The following SGCZ variants were observed in gnomAD, a reference collection of about 807,000 sequenced individuals.
SGCZ encodes zeta-sarcoglycan.
Under a neutral mutation model 41.3 loss-of-function variants are expected in SGCZ, and 40 were observed. That is an observed-to-expected ratio of 0.97 (90% CI 0.75 to 1.26). SGCZ has a LOEUF of 1.26. SGCZ is among the 50% of genes most tolerant of loss of function. The pLI is 0.00. For synonymous variants in SGCZ, 206 were observed against 137.5 expected, an observed-to-expected ratio of 1.50 and a Z score of -3.49; for missense variants, 552 against 369.8, an observed-to-expected ratio of 1.49 and a Z score of -4.04.
At chr8:14,834,662 T>A (rs1802638465) in intron 1 of SGCZ, among the ~76,000 whole-genome samples, 1 of 152,324 alleles carries the variant, frequency 6.6e-6, no homozygotes, top group East Asian at 1.9e-4. Flanking sequence ...AGTGTATCAT[T>A]TCTGCTCAAA....
intron 3 of SGCZ, among the ~76,000 whole-genome samples, chr8:14,294,104 C>G (rs570076104): frequency 6.6e-6 from 1 of 151,566 alleles, no homozygotes; most frequent in African/African-American, 2.4e-5. Flanking sequence ...ATTACAACCA[C>G]CAGACATTAC....
rs190247306 is a variant in SGCZ at position 14,849,473 on chromosome 8, C to G, written c.40-294547G>C. Among the ~76,000 whole-genome samples, 157 of 152,076 alleles carry G rather than the reference C, an allele frequency of 1.0e-3. 2 individuals are homozygous for G. In the East Asian group the frequency reaches 0.021, roughly 20 times the overall value. On this transcript the variant is annotated intron_variant, in intron 1 of 7. Transcript: ENST00000382080. Reference sequence around the variant, plus strand: ...GAATGGAATACTACTCATCAATAAACAGAATCAGAATAAACTATTGATATA... The same window carrying G: ...GAATGGAATACTACTCATCAATAAAGAGAATCAGAATAAACTATTGATATA...
chr8:14,407,065 C>CT (rs67046431), intron 2 of SGCZ, among the ~76,000 whole-genome samples: 2,238 of 87,110 alleles, frequency 0.026, 92 homozygotes, highest in African/African-American at 0.07. Context: ...ATGAGTTTTC[C>CT]TTTTTTTTTT....
intron 3 of SGCZ, among the ~76,000 whole-genome samples, chr8:14,268,420 T>C (rs184440614): frequency 2.5e-4 from 38 of 151,458 alleles, no homozygotes; most frequent in African/African-American, 8.9e-4. Flanking sequence ...CCTCTGACTT[T>C]CCAATTTCAA....
intron 1 of SGCZ, among the ~76,000 whole-genome samples, chr8:14,865,847 G>A (rs1009007008): frequency 2.6e-5 from 4 of 152,030 alleles, no homozygotes; most frequent in African/African-American, 7.2e-5. Flanking sequence ...CTCTGGCAAA[G>A]CAAATAATCA....
intron 6 of SGCZ, among the ~76,000 whole-genome samples, chr8:14,105,785 T>C (rs958781205): frequency 5.3e-5 from 8 of 152,106 alleles, no homozygotes; most frequent in Non-Finnish European, 1.0e-4. Context: ...CACTTATGAA[T>C]TGTGAAATAT....
intron 1 of SGCZ, among the ~76,000 whole-genome samples, chr8:15,062,233 CAAT>C (rs1804965110): frequency 6.6e-6 from 1 of 151,920 alleles, no homozygotes; most frequent in Admixed American, 6.6e-5. Context: ...CTTCTTACAG[CAAT>C]AATAAAAAAT....
intron 3 of SGCZ, among the ~76,000 whole-genome samples, chr8:14,258,156 A>G (rs1799530772): frequency 6.6e-6 from 1 of 152,206 alleles, no homozygotes; most frequent in African/African-American, 2.4e-5. Flanking sequence ...ATATGCTAAA[A>G]GAGAATATAG....
intron 1 of SGCZ, among the ~76,000 whole-genome samples, chr8:14,567,901 G>C (rs1259838963): frequency 6.6e-6 from 1 of 152,150 alleles, no homozygotes; most frequent in Non-Finnish European, 1.5e-5. Flanking sequence ...AAGAAACTCC[G>C]AACACATCCA....
chr8:14,873,828 TA>T (rs1189119871), intron 1 of SGCZ, among the ~76,000 whole-genome samples: 1 of 152,170 alleles, frequency 6.6e-6, no homozygotes, highest in African/African-American at 2.4e-5. Context: ...TAGGAACCTT[TA>T]AAAATGGAAA....
chr8:14,687,257 A>C (rs1469944538), intron 1 of SGCZ, among the ~76,000 whole-genome samples: 1 of 151,064 alleles, frequency 6.6e-6, no homozygotes, highest in Non-Finnish European at 1.5e-5. Context: ...CGTTAGTTAC[A>C]TATGTATACT....
At chr8:14,687,020 C>T (rs1299155347) in intron 1 of SGCZ, among the ~76,000 whole-genome samples, 1 of 151,186 alleles carries the variant, frequency 6.6e-6, no homozygotes, top group East Asian at 1.9e-4. Flanking sequence ...CCAAGCCAAG[C>T]CAAATAAACA....
chr8:14,808,338 A>C (rs1017614965), intron 1 of SGCZ, among the ~76,000 whole-genome samples: 2 of 152,198 alleles, frequency 1.3e-5, no homozygotes, highest in Admixed American at 6.5e-5. Flanking sequence ...CTCATCTGAC[A>C]AAGGGCTAAT....
intron 1 of SGCZ, among the ~76,000 whole-genome samples, chr8:14,601,981 C>T (rs1044611907): frequency 2.0e-5 from 3 of 151,842 alleles, no homozygotes; most frequent in Non-Finnish European, 2.9e-5. Context: ...TTAGCCGGGC[C>T]TGGTGGCGGG....
At chr8:14,931,084 C>G (rs1799911828) in intron 1 of SGCZ, among the ~76,000 whole-genome samples, 3 of 151,976 alleles carry the variant, frequency 2.0e-5, no homozygotes, top group African/African-American at 7.3e-5. Context: ...TTCTCAGATT[C>G]CAAATCTGGT....
chr8:14,539,609 C>T lies in SGCZ; in HGVS notation c.234+15123G>A, dbSNP rs968740235. 2.6e-5 allele frequency among the ~76,000 whole-genome samples: 4 copies of T among 151,966 alleles called. No homozygotes were observed. In the East Asian group the frequency reaches 7.8e-4, roughly 30 times the overall value. On this transcript the variant is annotated intron_variant, in intron 2 of 7. Transcript: ENST00000382080. ...GTTTGTTACATAGGTAAACTTGTGT[C>T]ATGGAGGTTTGTTGTAGAGATTATT... is the stretch of plus-strand genomic sequence containing the variant.
At chr8:14,788,724 T>C (rs545905784) in intron 1 of SGCZ, among the ~76,000 whole-genome samples, 138 of 152,298 alleles carry the variant, frequency 9.1e-4, no homozygotes, top group Non-Finnish European at 1.7e-3. Context: ...GAACAAGCAT[T>C]AGCAAATACC....
chr8:15,172,309 G>C (rs1213552404), intron 1 of SGCZ, among the ~76,000 whole-genome samples: 8 of 150,162 alleles, frequency 5.3e-5, no homozygotes, highest in African/African-American at 2.4e-5. Context: ...CTACAGGCGC[G>C]CGCCACCATG....
chr8:14,820,932 C>T (rs1050782941), intron 1 of SGCZ, among the ~76,000 whole-genome samples: 1 of 139,928 alleles, frequency 7.1e-6, no homozygotes, highest in African/African-American at 2.7e-5. Context: ...AAAAAAAAAA[C>T]ACTAGAAAAA....
Sources: gnomAD v4.1 joint callset for allele counts (sites outside exome capture counted in the v4.1 genomes callset) on GRCh38, gnomAD v4.1.1 for gene constraint, MANE v1.5 for transcripts, NCBI Gene and HGNC (gene_info 2026-07-23, HGNC 2026-07-21) for gene names.